Variants in RPH3A observed in about 807,000 individuals in gnomAD.
The protein encoded by RPH3A is rabphilin-3A.
A neutral mutation model predicts 102.2 loss-of-function variants in RPH3A; 48 were observed. That is an observed-to-expected ratio of 0.47 (90% CI 0.37 to 0.60). The LOEUF is 0.60. Ranked by LOEUF, RPH3A falls within the 20% of genes least tolerant of loss-of-function variation. The pLI, the probability that RPH3A is intolerant of heterozygous loss-of-function variation, is 0.00. For missense variants in RPH3A, 781 were observed against 910.1 expected, an observed-to-expected ratio of 0.86 and a Z score of 1.83; for synonymous variants, 310 against 324.3, an observed-to-expected ratio of 0.96 and a Z score of 0.47.
intron 2 of RPH3A, among the ~76,000 whole-genome samples, chr12:112,803,342 T>C (rs1233528734): frequency 6.6e-6 from 1 of 151,882 alleles, no homozygotes; most frequent in Non-Finnish European, 1.5e-5. Flanking sequence ...AGGGAGAGGA[T>C]GAATTATCAG....
intron 1 of RPH3A, among the ~76,000 whole-genome samples, chr12:112,746,638 C>G (rs972354585): frequency 6.6e-6 from 1 of 152,200 alleles, no homozygotes; most frequent in Non-Finnish European, 1.5e-5. Flanking sequence ...GAACATCTGT[C>G]TCTTGTGTAA....
rs2043230188 is a variant in RPH3A at position 112,898,789 on chromosome 12, G to C, written c.*2009G>C. On this transcript the variant is annotated 3_prime_UTR_variant, in exon 22 of 22. Coordinates refer to ENST00000389385, the MANE Select transcript of RPH3A (RefSeq NM_001143854.2). ...ACAAATGTAACCACCTCCCTGCCTAGAATACACACACGTCCTCCGGTGCAT... is the reference window on the plus strand; with the variant it reads ...ACAAATGTAACCACCTCCCTGCCTACAATACACACACGTCCTCCGGTGCAT... 1 of 152,314 alleles carries C rather than the reference G, an allele frequency of 6.6e-6. No individual in the cohort carries two copies. 9.4% of individuals were successfully genotyped at this position (152,314 alleles called of 1,614,324 possible).
chr12:112,621,636 C>A (rs1222365538), intron 1 of RPH3A, among the ~76,000 whole-genome samples: 4 of 151,496 alleles, frequency 2.6e-5, no homozygotes, highest in Admixed American at 6.6e-5. Flanking sequence ...GGGGGAGGGG[C>A]GCCCGCCATT....
At chr12:112,759,561 G>A (rs1170013268) in intron 1 of RPH3A, among the ~76,000 whole-genome samples, 1 of 152,172 alleles carries the variant, frequency 6.6e-6, no homozygotes, top group African/African-American at 2.4e-5. Context: ...GCTTAAGGTG[G>A]TAAAGCTGGG....
intron 1 of RPH3A, among the ~76,000 whole-genome samples, chr12:112,631,643 C>T (rs978105713): frequency 1.3e-5 from 2 of 152,068 alleles, no homozygotes; most frequent in African/African-American, 4.8e-5. Flanking sequence ...CTGCCTCAGC[C>T]TCTTGAGTAG....
At chr12:112,825,531 C>T (rs895345519) in intron 2 of RPH3A, among the ~76,000 whole-genome samples, 2 of 152,066 alleles carry the variant, frequency 1.3e-5, no homozygotes, top group South Asian at 2.1e-4. Flanking sequence ...CGTGGTCTCT[C>T]CCCCCCTTAC....
intron 1 of RPH3A, among the ~76,000 whole-genome samples, chr12:112,785,170 C>T (rs1227176991): frequency 3.3e-5 from 5 of 150,846 alleles, no homozygotes; most frequent in South Asian, 2.1e-4. Flanking sequence ...TGCAGTGAGC[C>T]GAGATTGCGC....
chr12:112,890,515 G>A (rs2043075716), intron 18 of RPH3A, among the ~76,000 whole-genome samples: 1 of 152,170 alleles, frequency 6.6e-6, no homozygotes, highest in Non-Finnish European at 1.5e-5. Flanking sequence ...GAGATCAGAG[G>A]CAAGAATCTG....
chr12:112,819,869 A>T (rs1345907768), intron 2 of RPH3A, among the ~76,000 whole-genome samples: 1 of 152,204 alleles, frequency 6.6e-6, no homozygotes, highest in Non-Finnish European at 1.5e-5. Flanking sequence ...AAAATAGCAA[A>T]AGAGACCAGG....
At chr12:112,828,539 A>G (rs2041918950) in intron 3 of RPH3A, 150 bp downstream of exon 3, 1 of 612,422 alleles carries the variant, frequency 1.6e-6, no homozygotes, top group Non-Finnish European at 2.9e-6. Flanking sequence ...CATCTCCCCT[A>G]GTTTGACTAT....
chr12:112,652,980 G>A (rs1438071436), intron 1 of RPH3A, among the ~76,000 whole-genome samples: 1 of 152,156 alleles, frequency 6.6e-6, no homozygotes, highest in Non-Finnish European at 1.5e-5. Context: ...CTTCTCGGCT[G>A]CAAATCCGTA....
intron 1 of RPH3A, among the ~76,000 whole-genome samples, chr12:112,715,162 G>T (rs12309356): frequency 0.016 from 2,468 of 152,192 alleles, 69 homozygotes; most frequent in African/African-American, 0.056. Context: ...TATGAGGTTT[G>T]CTCCTGCCTT....
At chr12:112,618,714 T>C (rs541665472) in intron 1 of RPH3A, among the ~76,000 whole-genome samples, 1 of 152,350 alleles carries the variant, frequency 6.6e-6, no homozygotes, top group South Asian at 2.1e-4. Context: ...GATATAATTC[T>C]TATACCATAC....
At chr12:112,756,073 G>GTT (rs2040821148) in intron 1 of RPH3A, among the ~76,000 whole-genome samples, 1 of 152,106 alleles carries the variant, frequency 6.6e-6, no homozygotes, top group East Asian at 1.9e-4. Flanking sequence ...TTATTGTATA[G>GTT]TCTCAAATAA....
chr12:112,682,351 CTTTCT>C (rs1227986690), intron 1 of RPH3A, among the ~76,000 whole-genome samples: 1 of 77,684 alleles, frequency 1.3e-5, no homozygotes, highest in African/African-American at 5.7e-5. Context: ...TTTTTTCTTT[CTTTCT>C]TTTTTTTTTT....
At chr12:112,746,026 A>T (rs895770894) in intron 1 of RPH3A, among the ~76,000 whole-genome samples, 2 of 151,656 alleles carry the variant, frequency 1.3e-5, no homozygotes, top group African/African-American at 4.9e-5. Context: ...TCTCTTCTTA[A>T]AGAGTGAATC....
chr12:112,853,741 A>G (rs1017470158), intron 5 of RPH3A, among the ~76,000 whole-genome samples: 2 of 152,058 alleles, frequency 1.3e-5, no homozygotes, highest in South Asian at 2.1e-4. Context: ...AGGTACATGA[A>G]TCATTTAACT....
rs539920679 is a variant in RPH3A at position 112,777,743 on chromosome 12, G to C, written c.-139-14400G>C. ...ATTGTTTATTTTTACTTCCAAAGGA[G>C]AGAGATTGAGGCTTGAGTCAGAAAT... is the stretch of plus-strand genomic sequence containing the variant. On this transcript the variant is annotated intron_variant, in intron 1 of 21. Transcript: ENST00000543106. 5.3e-5 allele frequency among the ~76,000 whole-genome samples: 8 copies of C among 152,336 alleles called. No homozygotes were observed. The South Asian group carries it at 1.7e-3, about 32-fold the overall frequency.
chr12:112,681,423 C>T (rs1592940998), intron 1 of RPH3A, among the ~76,000 whole-genome samples: 1 of 152,160 alleles, frequency 6.6e-6, no homozygotes, highest in Non-Finnish European at 1.5e-5. Context: ...TTAGTGGCTT[C>T]TAATGGATTC....
Sources: allele counts gnomAD v4.1 joint callset (sites outside exome capture counted in the v4.1 genomes callset), GRCh38; gene constraint gnomAD v4.1.1; transcripts MANE v1.5; gene names NCBI Gene and HGNC (gene_info 2026-07-23, HGNC 2026-07-21).